Variants in INTS4 observed in about 807,000 individuals in gnomAD.
INTS4 encodes the protein MSTP093.
Under a neutral mutation model 119.5 loss-of-function variants are expected in INTS4, and 70 were observed. That is an observed-to-expected ratio of 0.59 (90% confidence interval 0.48 to 0.71). The LOEUF (loss-of-function observed/expected upper bound fraction) is 0.71, where lower values mean the gene tolerates loss of function less well. INTS4 is among the 30% of genes least tolerant of loss of function. The pLI is 0.00. For synonymous variants in INTS4, 316 were observed against 419.6 expected, an observed-to-expected ratio of 0.75 and a Z score of 3.02; for missense variants, 867 against 1,173.2, an observed-to-expected ratio of 0.74 and a Z score of 3.81.
intron 21 of INTS4, among the ~76,000 whole-genome samples, chr11:77,888,969 T>C (rs368521530): frequency 3.9e-5 from 6 of 152,224 alleles, no homozygotes; most frequent in East Asian, 1.9e-4. Flanking sequence ...ACTTTTACAC[T>C]GTTGGTGGGA....
At position 77,920,576 on chromosome 11, in the gene INTS4, G is replaced by A. The variant is rs1404369470; in HGVS notation, c.1764+764C>T. Reference sequence around the variant, plus strand: ...AGTTAAAATATAACAATTTAGGCTGGGTGTGGTGGCTCATGCCTGTAATCC... The same window carrying A: ...AGTTAAAATATAACAATTTAGGCTGAGTGTGGTGGCTCATGCCTGTAATCC... On this transcript the variant is annotated intron_variant, in intron 14 of 22. Transcript: ENST00000534064. Among the ~76,000 whole-genome samples the A allele has an allele frequency of 2.6e-5, 4 of 152,094 alleles. No individual in the cohort carries two copies. In the East Asian group the frequency reaches 7.7e-4, roughly 29 times the overall value.
intron 7 of INTS4, 151 bp downstream of exon 7, chr11:77,958,595 C>T: frequency 1.7e-6 from 1 of 594,172 alleles, no homozygotes; most frequent in Non-Finnish European, 3.1e-6. Context: ...ACCAGGCAAT[C>T]TGATTTTCAG....
chr11:77,909,895 A>G (rs927415933), intron 15 of INTS4, among the ~76,000 whole-genome samples: 15 of 152,330 alleles, frequency 9.8e-5, no homozygotes, highest in Non-Finnish European at 1.9e-4. Context: ...ACAGTGAGAT[A>G]CCATCTCACA....
chr11:77,994,211 G>A (rs750036152), intron 1 of INTS4, among the ~76,000 whole-genome samples: 37 of 152,134 alleles, frequency 2.4e-4, no homozygotes, highest in Non-Finnish European at 4.7e-4. Context: ...AGGCTAGAAG[G>A]GGCTCTGCTG....
chr11:77,878,230 C>T (rs1406130708), downstream of INTS4, among the ~76,000 whole-genome samples: 2 of 152,030 alleles, frequency 1.3e-5, no homozygotes, highest in Non-Finnish European at 2.9e-5. Flanking sequence ...GGCGTGGTGA[C>T]AGGCGCCTGT....
intron 2 of INTS4, among the ~76,000 whole-genome samples, chr11:77,990,411 C>A (rs1260697671): frequency 6.6e-6 from 1 of 151,484 alleles, no homozygotes; most frequent in South Asian, 2.1e-4. Flanking sequence ...TTTGGCCAGA[C>A]GCAGTGGCTC....
intron 3 of INTS4, among the ~76,000 whole-genome samples, chr11:77,979,729 C>A (rs915011333): frequency 2.0e-5 from 3 of 151,054 alleles, no homozygotes; most frequent in Non-Finnish European, 4.4e-5. Flanking sequence ...CCTGTAATCC[C>A]AGCACTTTGG....
At chr11:77,993,696 G>C (rs1856788584) in intron 1 of INTS4, among the ~76,000 whole-genome samples, 2 of 152,102 alleles carry the variant, frequency 1.3e-5, no homozygotes, top group African/African-American at 2.4e-5. Context: ...TAATGTTTAA[G>C]GATCAGTATC....
At chr11:77,960,278 T>C (rs1383990611) in intron 6 of INTS4, 63 bp downstream of exon 6, 16 of 1,180,734 alleles carry the variant, frequency 1.4e-5, no homozygotes, top group African/African-American at 3.0e-5. Context: ...TGAGAACCTG[T>C]GTGCCGCCCT....
chr11:77,962,045 G>C (rs1954488594), intron 4 of INTS4, among the ~76,000 whole-genome samples: 1 of 152,212 alleles, frequency 6.6e-6, no homozygotes, highest in Non-Finnish European at 1.5e-5. Flanking sequence ...GGGCACAGTA[G>C]CTCATGCCTA....
At chr11:77,980,144 ACT>A (rs1425982279) in intron 3 of INTS4, among the ~76,000 whole-genome samples, 1 of 148,224 alleles carries the variant, frequency 6.7e-6, no homozygotes, top group African/African-American at 2.5e-5. Flanking sequence ...CTCCTTTAAC[ACT>A]CTTTTTTCCA....
Position 77,921,374 on chromosome 11 carries a change from C to T in INTS4, c.1730G>A (p.Arg577Gln), listed in dbSNP as rs1401200997. ...AGGAACAAGATGAGAAAGACTGTCT[C>T]GGAGGTAGGCATAGTGCCTGAAGGT... ...DHTFRHYAYL[R>Q]DSLSHLVPAL... Residue 577 changes from arginine (R) to glutamine (Q), a missense_variant, in exon 14 of 23, where the codon CGA becomes CAA. By Grantham distance (43) the Arg-to-Gln change is conservative. This residue lies in a region of INTS4 where 262 missense variants were observed against 376.0 expected (regional missense o/e 0.70). Transcript: ENST00000534064. 5.0e-6 allele frequency: 8 copies of T among 1,613,486 alleles called. No homozygotes were observed. In the Middle Eastern group the frequency reaches 5.0e-4, roughly 100 times the overall value.
intron 8 of INTS4, among the ~76,000 whole-genome samples, chr11:77,953,831 G>A (rs1323148105): frequency 4.6e-5 from 7 of 151,892 alleles, no homozygotes; most frequent in East Asian, 3.9e-4. Context: ...TGATTTGCCC[G>A]CTTCGGCCTC....
intron 8 of INTS4, among the ~76,000 whole-genome samples, chr11:77,945,864 C>G (rs1386667245): frequency 6.6e-6 from 1 of 152,176 alleles, no homozygotes; most frequent in East Asian, 1.9e-4. Flanking sequence ...CCAACTGGTC[C>G]TGTGGTAGCC....
chr11:77,962,525 A>G (rs1245560715), intron 4 of INTS4, among the ~76,000 whole-genome samples: 2 of 152,238 alleles, frequency 1.3e-5, no homozygotes, highest in Non-Finnish European at 2.9e-5. Flanking sequence ...AATTAAAAAT[A>G]CTTTGAAGAA....
intron 2 of INTS4, among the ~76,000 whole-genome samples, chr11:77,983,349 C>T (rs1420329430): frequency 6.6e-6 from 1 of 152,160 alleles, no homozygotes; most frequent in Admixed American, 6.5e-5. Flanking sequence ...TCCTGGGCTC[C>T]TGCCTAGGCC....
In INTS4 at chr11:77,901,425, G is replaced by A. The variant is rs764240706; in HGVS notation, c.2224C>T (p.Arg742Ter). The change falls in exon 18 of 23, where the codon CGA becomes TGA. Residue 742 changes from arginine (R) to a stop codon, truncating the protein, a stop_gained. Transcript: ENST00000534064. LOFTEE classifies it high-confidence loss of function. Reference protein sequence around the residue: ...LQLIVTARTTRGLDPLFGMCE... With the variant: ...LQLIVTARTT ...TTGGCCAACCCCACATCTTACCCTCGTGTAGTTCGTGCTGTTACTATAAGT... is the reference window on the plus strand; with the variant it reads ...TTGGCCAACCCCACATCTTACCCTCATGTAGTTCGTGCTGTTACTATAAGT... The A allele has an allele frequency of 8.1e-6, 13 of 1,613,750 alleles. No homozygotes were observed. Among genetic ancestry groups the A allele is most frequent in the African/African-American group, 2.7e-5 (2 of 74,922 alleles).
intron 15 of INTS4, among the ~76,000 whole-genome samples, chr11:77,912,899 T>A (rs1269871791): frequency 1.3e-5 from 2 of 152,244 alleles, no homozygotes; most frequent in Non-Finnish European, 2.9e-5. Context: ...AAAAATCCCA[T>A]GTTCTTCATT....
intron 21 of INTS4, among the ~76,000 whole-genome samples, chr11:77,890,901 CT>C (rs1952233654): frequency 1.3e-5 from 2 of 152,158 alleles, no homozygotes; most frequent in South Asian, 4.1e-4. Flanking sequence ...CTAGTAATTG[CT>C]TTTTCCCAAC....
Sources: gnomAD v4.1 joint callset for allele counts (sites outside exome capture counted in the v4.1 genomes callset) on GRCh38, gnomAD v4.1.1 for gene constraint, gnomAD v4.1.1 regional missense constraint, MANE v1.5 for transcripts, NCBI Gene and HGNC (gene_info 2026-07-23, HGNC 2026-07-21) for gene names.